Variants in SLC47A2 observed in about 807,000 individuals in gnomAD.
The protein encoded by SLC47A2 is solute carrier family 47 member 2, also known as multidrug and toxin extrusion protein 2.
A neutral mutation model predicts 67.7 loss-of-function variants in SLC47A2; 52 were observed. That is an observed-to-expected ratio of 0.77 (90% confidence interval 0.61 to 0.97). The LOEUF (loss-of-function observed/expected upper bound fraction) is 0.97. Ranked by LOEUF, SLC47A2 falls within the 50% of genes least tolerant of loss-of-function variation. SLC47A2 has a pLI of 0.00. For missense variants in SLC47A2, 676 were observed against 712.3 expected, an observed-to-expected ratio of 0.95 and a Z score of 0.58; for synonymous variants, 278 against 292.9, an observed-to-expected ratio of 0.95 and a Z score of 0.52.
chr17:19,684,785 G>T (rs1323718800), intron 13 of SLC47A2, among the ~76,000 whole-genome samples: 1 of 151,740 alleles, frequency 6.6e-6, no homozygotes, highest in African/African-American at 2.4e-5. Context: ...ACTAAAACAT[G>T]CATCTATTAA....
intron 1 of SLC47A2, 119 bp from the exon 2 acceptor site, chr17:19,715,336 C>T: frequency 1.2e-6 from 1 of 801,546 alleles, no homozygotes. Flanking sequence ...GTCACCTACG[C>T]CTGGGGAAGC....
chr17:19,706,889 T>A, intron 8 of SLC47A2, 128 bp from the exon 9 acceptor site: 1 of 646,854 alleles, frequency 1.5e-6, no homozygotes, highest in Non-Finnish European at 2.6e-6. Context: ...GCTCAGGCAC[T>A]GGGCATTTTG....
In SLC47A2 at chr17:19,684,695, CAA is replaced by C. The variant is rs754988040; in HGVS notation, c.1165-3027_1165-3026del. Among the ~76,000 whole-genome samples, 54 of 63,386 alleles carry C rather than the reference CAA, an allele frequency of 8.5e-4. 1 individual carries two copies. In the East Asian group the frequency reaches 0.013, roughly 15 times the overall value. 41.6% of individuals were successfully genotyped at this position (63,386 alleles called of 152,430 possible). On this transcript the variant is annotated intron_variant, in intron 13 of 16. Transcript: ENST00000433844. ...GGGCAATATAGCAAGACTCTTTCTA[CAA>C]AAAAAAAAAAAAAATTAAAAGTTAA... is the stretch of plus-strand genomic sequence containing the variant.
rs2086202594 is a variant in SLC47A2 at position 19,714,738 on chromosome 17, CACATGCCGAAG to C, written c.266_276del (p.Ser89Ter). ...CCACCCACCTGAGACATCAAGGTGT[CACATGCCGAAG>C]ACAAACCAACTCCTACAGAAACTCC... On this transcript the variant is annotated frameshift_variant, in exon 3 of 17. Coordinates refer to ENST00000433844, the MANE Select transcript of SLC47A2 (RefSeq NM_001099646.3). LOFTEE classifies it high-confidence loss of function. 3 of 1,614,014 alleles carry C rather than the reference CACATGCCGAAG, an allele frequency of 1.9e-6. No individual in the cohort carries two copies. The African/African-American group carries it at 4.0e-5, about 22-fold the overall frequency.
rs141033668 is a variant in SLC47A2, at chr17:19,704,184, A to G, written c.910-6T>C. 8.7e-6 allele frequency: 14 copies of G among 1,600,360 alleles called. No homozygotes were observed. The highest frequency in any genetic ancestry group is 4.0e-5 in the African/African-American group (3 of 74,608). Reference sequence around the variant, plus strand: ...ATGCTGAGCCCCAAGGGAATCTGGGATCAAAGATAAGAAAGCACTGTCAGT... The same window carrying G: ...ATGCTGAGCCCCAAGGGAATCTGGGGTCAAAGATAAGAAAGCACTGTCAGT... On this transcript the variant is annotated splice_polypyrimidine_tract_variant and splice_region_variant and intron_variant, in intron 10 of 16. Transcript: ENST00000433844.
chr17:19,687,188 A>G (rs2085446946), intron 13 of SLC47A2, among the ~76,000 whole-genome samples: 1 of 152,226 alleles, frequency 6.6e-6, no homozygotes, highest in African/African-American at 2.4e-5. Context: ...ATGCTCCTGA[A>G]TGACCAGTGG....
At chr17:19,704,810 C>A (rs908176730) in intron 10 of SLC47A2, 13 of 486,632 alleles carry the variant, frequency 2.7e-5, no homozygotes, top group Non-Finnish European at 4.1e-5. Flanking sequence ...GCCTGCTGCT[C>A]GATGGAATGT....
At chr17:19,717,820 TCC>T (rs2086297885), upstream of SLC47A2, 1 of 151,980 alleles carries the variant, frequency 6.6e-6, no homozygotes, top group Non-Finnish European at 1.5e-5. Context: ...TCTGAAACGC[TCC>T]ACTGGATCCT....
intron 10 of SLC47A2, 22 bp from the exon 11 acceptor site, chr17:19,704,200 C>T: frequency 6.3e-7 from 1 of 1,586,350 alleles, no homozygotes. Context: ...GATAAGAAAG[C>T]ACTGTCAGTG....
At chr17:19,692,056 C>T (rs1022896047) in intron 13 of SLC47A2, among the ~76,000 whole-genome samples, 2 of 151,952 alleles carry the variant, frequency 1.3e-5, no homozygotes, top group Non-Finnish European at 2.9e-5. Context: ...GGTGAAACCC[C>T]GTCTCTACCA....
chr17:19,684,044 G>A (rs1352304168), intron 13 of SLC47A2, among the ~76,000 whole-genome samples: 2 of 152,046 alleles, frequency 1.3e-5, no homozygotes, highest in African/African-American at 2.4e-5. Flanking sequence ...ATAGACCTGC[G>A]GTAGGCCACA....
At chr17:19,702,214 C>T (rs539075023) in intron 13 of SLC47A2, 14 of 985,108 alleles carry the variant, frequency 1.4e-5, no homozygotes, top group Admixed American at 6.2e-5. Context: ...TGGGTGGGCT[C>T]GTTCCCTTGT....
chr17:19,701,512 C>T (rs191118682), intron 13 of SLC47A2, among the ~76,000 whole-genome samples: 2 of 152,052 alleles, frequency 1.3e-5, no homozygotes, highest in African/African-American at 2.4e-5. Flanking sequence ...GGCTGGAATG[C>T]GCCAGTATTG....
intron 5 of SLC47A2, among the ~76,000 whole-genome samples, chr17:19,710,815 TC>T (rs1160870499): frequency 7.7e-6 from 1 of 129,406 alleles, no homozygotes; most frequent in Non-Finnish European, 1.8e-5. Flanking sequence ...CATTCACAAA[TC>T]TTTTTTTTTT....
Position 19,678,886 on chromosome 17 carries a change from C to A in SLC47A2, c.1501G>T (p.Gly501Cys), listed in dbSNP as rs1185857896. 1 of 1,581,786 alleles carries A rather than the reference C, an allele frequency of 6.3e-7. No individual in the cohort carries two copies. Among genetic ancestry groups the A allele is most frequent in the Non-Finnish European group, 8.6e-7 (1 of 1,162,478 alleles). ...LSSVATGSSP[G>C]ITLTTYSRSE... ...CTTGAATACGTTGTCAAGGTAATGC[C>A]AGGGGAACTGCCTGTAGCCACTGCG... Residue 501 changes from glycine (G) to cysteine (C), a missense_variant, in exon 17 of 17, where the codon GGC (glycine) becomes TGC (cysteine). Gly to Cys is a radical substitution (Grantham distance 159). Transcript: ENST00000433844.
chr17:19,678,574 G>T lies in SLC47A2; in HGVS notation c.*112C>A. 8.8e-7 allele frequency: 1 copy of T among 1,138,970 alleles called. No homozygotes were observed. The highest frequency in any genetic ancestry group is 1.3e-6 in the Non-Finnish European group (1 of 779,700). 70.6% of individuals were successfully genotyped at this position (1,138,970 alleles called of 1,614,324 possible). ...GCCAAAGTTCTTTTTTTGAGGAGTG[G>T]TTCAAAGTGTCCACCTGCACTAGAC... is the stretch of plus-strand genomic sequence containing the variant. On this transcript the variant is annotated 3_prime_UTR_variant, in exon 17 of 17. Transcript: ENST00000433844.
intron 13 of SLC47A2, chr17:19,692,243 AAAAAG>A (rs769179128): frequency 6.7e-5 from 28 of 420,646 alleles, no homozygotes; most frequent in South Asian, 4.5e-4. Context: ...AAAAAAAAAG[AAAAAG>A]AAAAGATCCA....
intron 5 of SLC47A2, among the ~76,000 whole-genome samples, chr17:19,709,069 C>T (rs145066622): frequency 5.9e-5 from 9 of 152,202 alleles, no homozygotes; most frequent in African/African-American, 4.8e-5. Context: ...GTAGGCCTTC[C>T]GGCTGCTAAG....
intron 3 of SLC47A2, 69 bp downstream of exon 3, chr17:19,714,652 C>G: frequency 6.4e-7 from 1 of 1,567,858 alleles, no homozygotes; most frequent in Non-Finnish European, 8.8e-7. Flanking sequence ...CACCTGCCAT[C>G]TCCATGGCAC....
Sources: gnomAD v4.1 joint callset for allele counts (sites outside exome capture counted in the v4.1 genomes callset) on GRCh38, gnomAD v4.1.1 for gene constraint, MANE v1.5 for transcripts, NCBI Gene and HGNC (gene_info 2026-07-23, HGNC 2026-07-21) for gene names.